Variants in GALNT13 observed in about 807,000 individuals in gnomAD.
The protein encoded by GALNT13 is polypeptide N-acetylgalactosaminyltransferase 13, also known as UDP-GalNAc:polypeptide N-acetylgalactosaminyltransferase 13.
In GALNT13, 28 loss-of-function variants were observed where a neutral mutation model predicts 64.2. That is an observed-to-expected ratio of 0.44 (90% CI 0.32 to 0.60). The LOEUF is 0.60. GALNT13 is among the 20% of genes least tolerant of loss of function. The pLI is 0.05. For missense variants in GALNT13, 577 were observed against 669.8 expected, an observed-to-expected ratio of 0.86 and a Z score of 1.53; for synonymous variants, 214 against 224.6, an observed-to-expected ratio of 0.95 and a Z score of 0.42.
chr2:154,097,601 G>A lies in GALNT13; in HGVS notation c.143-42736G>A, dbSNP rs571915727. 4.6e-5 allele frequency among the ~76,000 whole-genome samples: 7 copies of A among 151,674 alleles called. No homozygotes were observed. The East Asian group carries it at 7.8e-4, about 17-fold the overall frequency. On this transcript the variant is annotated intron_variant, in intron 3 of 12. Coordinates refer to ENST00000392825, the MANE Select transcript of GALNT13 (RefSeq NM_052917.4). Reference sequence around the variant, plus strand: ...ATGATTTAATTATGACACTTCATCCGATAATGCAGTACTCATAATTTTTAT... The same window carrying A: ...ATGATTTAATTATGACACTTCATCCAATAATGCAGTACTCATAATTTTTAT...
intron 12 of GALNT13, 29 bp from the exon 13 acceptor site, chr2:154,450,382 C>G: frequency 6.3e-7 from 1 of 1,585,030 alleles, no homozygotes. Flanking sequence ...ACGAAATAAG[C>G]TGCACTGATT....
rs140810648 is a variant in GALNT13, at chr2:154,047,861, G to A, written c.143-92476G>A. Among the ~76,000 whole-genome samples the A allele has an allele frequency of 9.2e-5, 14 of 152,214 alleles. No individual in the cohort carries two copies. The East Asian group carries it at 1.2e-3, about 13-fold the overall frequency. The stretch of plus-strand genomic sequence containing the variant: ...TTTAGCATCTGTGGAGTTTAACAGC[G>A]TCTATAAAGTCTACCTACCAGACCC... On this transcript the variant is annotated intron_variant, in intron 3 of 12. Coordinates refer to ENST00000392825, the MANE Select transcript of GALNT13 (RefSeq NM_052917.4).
At chr2:153,698,895 C>T in the GALNT13 span, among the ~76,000 whole-genome samples, 3 of 152,182 alleles carry the variant, frequency 2.0e-5, no homozygotes, top group African/African-American at 7.2e-5. Context: ...GTCTCTCAGA[C>T]CACAGTGCAA....
the GALNT13 span, among the ~76,000 whole-genome samples, chr2:153,430,569 A>T: frequency 6.6e-6 from 1 of 150,552 alleles, no homozygotes; most frequent in African/African-American, 2.4e-5. Context: ...AGTCTAGCTT[A>T]TAATTTCAGG....
the GALNT13 span, among the ~76,000 whole-genome samples, chr2:153,637,572 G>C: frequency 6.6e-6 from 1 of 152,136 alleles, no homozygotes; most frequent in Non-Finnish European, 1.5e-5. Flanking sequence ...AGGGAGGAGA[G>C]AGAAATATAA....
the GALNT13 span, among the ~76,000 whole-genome samples, chr2:153,475,139 G>A: frequency 0.063 from 9,552 of 152,180 alleles, 401 homozygotes; most frequent in South Asian, 0.15. Context: ...TGGCCATCGG[G>A]GAATAGAGAG....
At chr2:153,533,820 T>G in the GALNT13 span, among the ~76,000 whole-genome samples, 1 of 149,318 alleles carries the variant, frequency 6.7e-6, no homozygotes, top group Non-Finnish European at 1.5e-5. Flanking sequence ...TCCAGTCTAC[T>G]GATAAGCCCA....
intron 9 of GALNT13, among the ~76,000 whole-genome samples, chr2:154,308,899 GATTCTATAA>G (rs779194810): frequency 3.1e-4 from 47 of 152,106 alleles, no homozygotes; most frequent in South Asian, 8.3e-4. Context: ...AACAGTTTTG[GATTCTATAA>G]TTCTTTAAGG....
chr2:153,098,658 T>C, the GALNT13 span, among the ~76,000 whole-genome samples: 5 of 152,304 alleles, frequency 3.3e-5, 1 homozygote, highest in South Asian at 8.3e-4. Flanking sequence ...TAGTATTCCA[T>C]TGAATGGATA....
chr2:153,510,575 C>T, the GALNT13 span, among the ~76,000 whole-genome samples: 2 of 152,112 alleles, frequency 1.3e-5, no homozygotes, highest in African/African-American at 4.8e-5. Context: ...ATCAGCCTGG[C>T]GGCACATTAG....
chr2:154,097,037 A>G (rs1702108358), intron 3 of GALNT13, among the ~76,000 whole-genome samples: 1 of 151,926 alleles, frequency 6.6e-6, no homozygotes, highest in South Asian at 2.1e-4. Flanking sequence ...TAAATATTTT[A>G]AAGCCTTAAA....
At chr2:154,281,327 G>T (rs1377061359) in intron 8 of GALNT13, among the ~76,000 whole-genome samples, 1 of 152,034 alleles carries the variant, frequency 6.6e-6, no homozygotes, top group Non-Finnish European at 1.5e-5. Context: ...ACAGAGAACG[G>T]AAGATTTGCC....
chr2:153,579,984 G>A, the GALNT13 span, among the ~76,000 whole-genome samples: 19 of 152,130 alleles, frequency 1.2e-4, no homozygotes, highest in Admixed American at 1.2e-3. Flanking sequence ...GTAATTCAAC[G>A]GCTCAAATAT....
chr2:154,087,131 T>C (rs1310557871), intron 3 of GALNT13, among the ~76,000 whole-genome samples: 4 of 152,088 alleles, frequency 2.6e-5, no homozygotes, highest in Non-Finnish European at 5.9e-5. Context: ...AAGAAAGGCA[T>C]TTCTAACAAT....
At chr2:153,580,406 G>C in the GALNT13 span, among the ~76,000 whole-genome samples, 1 of 151,966 alleles carries the variant, frequency 6.6e-6, no homozygotes, top group African/African-American at 2.4e-5. Context: ...CTGAAGTGCT[G>C]AATGTATAAT....
intron 10 of GALNT13, among the ~76,000 whole-genome samples, chr2:154,406,824 C>G (rs550073496): frequency 5.9e-5 from 9 of 152,248 alleles, no homozygotes; most frequent in African/African-American, 2.2e-4. Flanking sequence ...CTCAGCACCT[C>G]AGGTAGTGCC....
the GALNT13 span, among the ~76,000 whole-genome samples, chr2:153,647,897 C>T: frequency 0.17 from 26,148 of 152,002 alleles, 2,777 homozygotes; most frequent in Non-Finnish European, 0.23. Flanking sequence ...AGTCAGGTAG[C>T]GTGATGTCTC....
At chr2:153,807,242 C>CAT in the GALNT13 span, among the ~76,000 whole-genome samples, 47,510 of 150,654 alleles carry the variant, frequency 0.32, 7,720 homozygotes, top group Non-Finnish European at 0.34. Context: ...GATAGATAGA[C>CAT]ATATATATAT....
the GALNT13 span, among the ~76,000 whole-genome samples, chr2:153,234,625 A>T: frequency 6.6e-6 from 1 of 152,162 alleles, no homozygotes; most frequent in Non-Finnish European, 1.5e-5. Context: ...GGAATACCAT[A>T]ATATCATCTA....
Sources: allele counts gnomAD v4.1 joint callset (sites outside exome capture counted in the v4.1 genomes callset), GRCh38; gene constraint gnomAD v4.1.1; transcripts MANE v1.5; gene names NCBI Gene and HGNC (gene_info 2026-07-23, HGNC 2026-07-21).